Variants in TENM4 observed in about 807,000 individuals in gnomAD.
TENM4 encodes the protein teneurin-4.
A neutral mutation model predicts 243.3 loss-of-function variants in TENM4; 82 were observed. The ratio of observed to expected loss-of-function variants is 0.34; its 90% confidence interval spans 0.28 to 0.40. The LOEUF (loss-of-function observed/expected upper bound fraction) is 0.40, where lower values mean the gene tolerates loss of function less well. Among genes scored for constraint, TENM4 ranks in the 10% least tolerant of loss-of-function variants. The probability of loss-of-function intolerance (pLI) is 1.00; values close to 1 mark genes in which losing one functional copy is unlikely to be tolerated. For missense variants in TENM4, 3,138 were observed against 3,673.3 expected (o/e 0.85, Z 3.77); for synonymous variants, 1,412 against 1,456.3 (o/e 0.97, Z 0.69).
intron 25 of TENM4, among the ~76,000 whole-genome samples, chr11:78,715,714 C>T (rs1859506018): frequency 6.6e-6 from 1 of 152,204 alleles, no homozygotes; most frequent in Non-Finnish European, 1.5e-5. Flanking sequence ...CCTTAGCTGT[C>T]GAATGACTAA....
chr11:79,198,304 A>G (rs1863673752), intron 3 of TENM4, among the ~76,000 whole-genome samples: 1 of 152,106 alleles, frequency 6.6e-6, no homozygotes, highest in Non-Finnish European at 1.5e-5. Context: ...TCCCAAATAC[A>G]ATCTATGAGG....
At chr11:78,660,471 G>GA (rs1858000600) in intron 33 of TENM4, among the ~76,000 whole-genome samples, 1 of 152,120 alleles carries the variant, frequency 6.6e-6, no homozygotes, top group Admixed American at 6.6e-5. Flanking sequence ...TACAGTGTGG[G>GA]AAGTGCCACC....
At chr11:78,660,285 C>T (rs1857997030) in intron 33 of TENM4, among the ~76,000 whole-genome samples, 2 of 152,174 alleles carry the variant, frequency 1.3e-5, no homozygotes, top group African/African-American at 4.8e-5. Flanking sequence ...GGTCCCCTCA[C>T]CTGTAAAATG....
chr11:79,370,169 G>T lies in TENM4; in HGVS notation c.-321+70340C>A, dbSNP rs536210127. On this transcript the variant is annotated intron_variant, in intron 1 of 33. Transcript: ENST00000278550. ...GCCCAGCCAAGAATAGAGGCCCCAG[G>T]TTCCCTGAGCCAGGCTCCTGCTCAC... Among the ~76,000 whole-genome samples the T allele has an allele frequency of 1.1e-4, 16 of 152,368 alleles. No homozygotes were observed. In the South Asian group the frequency reaches 2.7e-3, roughly 26 times the overall value.
chr11:79,128,599 G>C (rs1373412622), intron 4 of TENM4, among the ~76,000 whole-genome samples: 3 of 152,274 alleles, frequency 2.0e-5, no homozygotes, highest in Middle Eastern at 6.8e-3. Flanking sequence ...ACTAGGGCCT[G>C]GTTCACTGAT....
In TENM4 at chr11:78,658,270, G is replaced by A. The variant is rs763702880; in HGVS notation, c.8098C>T (p.Arg2700Cys). The A allele has an allele frequency of 4.3e-6, 7 of 1,613,072 alleles. No homozygotes were observed. Among genetic ancestry groups the A allele is most frequent in the African/African-American group, 2.7e-5 (2 of 74,924 alleles). Residue 2700 changes from arginine to cysteine, a missense_variant, in exon 34 of 34, where the codon CGC becomes TGC. Transcript: ENST00000278550. Reference protein sequence around the residue: ...VLELARQRAVRQAWAREQQRL... With the variant: ...VLELARQRAVCQAWAREQQRL... ...TGCTGCTCGCGGGCCCACGCTTGGC[G>A]CACGGCTCTCTGCCGGGCCAGCTCC...
intron 1 of TENM4, among the ~76,000 whole-genome samples, chr11:79,303,906 CAA>C (rs1856587290): frequency 6.6e-6 from 1 of 152,136 alleles, no homozygotes; most frequent in African/African-American, 2.4e-5. Context: ...CACTGAAGTT[CAA>C]AAGAGTCTTC....
At chr11:79,127,667 T>G (rs1861910152) in intron 4 of TENM4, among the ~76,000 whole-genome samples, 1 of 152,228 alleles carries the variant, frequency 6.6e-6, no homozygotes, top group Non-Finnish European at 1.5e-5. Flanking sequence ...ACTTTTTGCT[T>G]CAGCAGGATA....
intron 17 of TENM4, among the ~76,000 whole-genome samples, chr11:78,774,662 T>C (rs756631561): frequency 2.0e-5 from 3 of 152,198 alleles, no homozygotes; most frequent in Non-Finnish European, 2.9e-5. Context: ...TCTGGCCTAA[T>C]ATGGGGGGAG....
In TENM4 at chr11:78,658,192, G is replaced by C; in HGVS notation, c.8176C>G (p.Gln2726Glu). Residue 2726 changes from glutamine to glutamate, a missense_variant, in exon 34 of 34, where the codon CAG becomes GAG. Physicochemically the swap from Gln to Glu is conservative, Grantham distance 29. This residue lies in a region of TENM4 where 2,467 missense variants were observed against 3,059.1 expected (regional missense o/e 0.81). Coordinates refer to ENST00000278550, the MANE Select transcript of TENM4 (RefSeq NM_001098816.3). ...ACCCGCCCTGTGCTCAGCACCTGCT[G>C]CTTCTCCCCCTCTGTCCAGGCCCGC... ...GLRAWTEGEKQQVLSTGRVQG... is the reference protein window; with the variant it reads ...GLRAWTEGEKEQVLSTGRVQG... 1 of 1,614,046 alleles carries C rather than the reference G, an allele frequency of 6.2e-7. No individual in the cohort carries two copies. Among genetic ancestry groups the C allele is most frequent in the Non-Finnish European group, 8.5e-7 (1 of 1,179,902 alleles).
chr11:78,771,164 G>A (rs1856639430), intron 17 of TENM4, 26 bp from the exon 18 acceptor site: 1 of 1,556,514 alleles, frequency 6.4e-7, no homozygotes, highest in Admixed American at 1.9e-5. Context: ...CAGGGTTGAG[G>A]TCTGATCACC....
intron 1 of TENM4, among the ~76,000 whole-genome samples, chr11:79,399,022 C>T (rs895577215): frequency 1.3e-5 from 2 of 152,144 alleles, no homozygotes; most frequent in Non-Finnish European, 1.5e-5. Flanking sequence ...GTGTGCTAGG[C>T]CTGGCTGCCA....
At chr11:79,046,207 G>A (rs1859653583) in intron 6 of TENM4, among the ~76,000 whole-genome samples, 1 of 152,242 alleles carries the variant, frequency 6.6e-6, no homozygotes, top group African/African-American at 2.4e-5. Flanking sequence ...GGTCAGCTGT[G>A]AGATGCTGTG....
At chr11:78,676,447 G>T in intron 29 of TENM4, 60 bp from the exon 30 acceptor site, 1 of 1,408,720 alleles carries the variant, frequency 7.1e-7, no homozygotes, top group Non-Finnish European at 9.6e-7. Context: ...GAGGTGTGAG[G>T]ACAGCAGAGG....
At position 78,922,814 on chromosome 11, in the gene TENM4, G is replaced by A. The variant is rs573567836; in HGVS notation, c.494-19291C>T. Among the ~76,000 whole-genome samples, 231 of 152,242 alleles carry A rather than the reference G, an allele frequency of 1.5e-3. 1 individual carries two copies. The highest frequency in any genetic ancestry group is 5.4e-3 in the African/African-American group (224 of 41,544). ...GGCATTCGGGAGGTTAGGTGCACCC[G>A]GAGGTAGAAGACTCTCAGGCCTGGG... On this transcript the variant is annotated intron_variant, in intron 6 of 33. Coordinates refer to ENST00000278550, the MANE Select transcript of TENM4 (RefSeq NM_001098816.3).
chr11:79,271,697 G>C (rs1389654113), intron 2 of TENM4, among the ~76,000 whole-genome samples: 1 of 152,210 alleles, frequency 6.6e-6, no homozygotes, highest in Non-Finnish European at 1.5e-5. Flanking sequence ...GAGTGGTCCT[G>C]GCACGGGCTC....
At chr11:78,947,737 T>C (rs1050900251) in intron 6 of TENM4, among the ~76,000 whole-genome samples, 5 of 152,086 alleles carry the variant, frequency 3.3e-5, no homozygotes, top group Non-Finnish European at 7.4e-5. Flanking sequence ...ATTCCAGTTG[T>C]CCTGCCTCGG....
At chr11:79,092,571 C>T (rs753755159) in intron 4 of TENM4, among the ~76,000 whole-genome samples, 4 of 152,224 alleles carry the variant, frequency 2.6e-5, no homozygotes, top group Non-Finnish European at 4.4e-5. Context: ...ATGAAATGCT[C>T]ACAGCCAGCC....
At chr11:79,035,541 G>GA (rs11390542) in intron 6 of TENM4, among the ~76,000 whole-genome samples, 93,423 of 143,478 alleles carry the variant, frequency 0.65, 32,971 homozygotes, top group Non-Finnish European at 0.83. Context: ...ATTCAGACAA[G>GA]AAAAAAAAAA....
Sources: gnomAD v4.1 joint callset for allele counts (sites outside exome capture counted in the v4.1 genomes callset) on GRCh38, gnomAD v4.1.1 for gene constraint, gnomAD v4.1.1 regional missense constraint, MANE v1.5 for transcripts, NCBI Gene and HGNC (gene_info 2026-07-23, HGNC 2026-07-21) for gene names.